FOXN3: variants seen among roughly 807,000 people sequenced by gnomAD.
FOXN3 encodes forkhead box protein N3.
Under a neutral mutation model 38.4 loss-of-function variants are expected in FOXN3, and 7 were observed. The observed-to-expected ratio is 0.18, with a 90% confidence interval of 0.10 to 0.34. FOXN3 has a LOEUF of 0.34. FOXN3 is among the 10% of genes least tolerant of loss of function. FOXN3 has a pLI of 1.00. For synonymous variants in FOXN3, 230 were observed against 242.2 expected, an observed-to-expected ratio of 0.95 and a Z score of 0.47; for missense variants, 456 against 613.4, an observed-to-expected ratio of 0.74 and a Z score of 2.71.
rs529376986 is a variant in FOXN3 at position 89,217,321 on chromosome 14, T to C, written c.746-36515A>G. On this transcript the variant is annotated intron_variant, in intron 4 of 5. Coordinates refer to ENST00000557258, the MANE Select transcript of FOXN3 (RefSeq NM_005197.4). Reference sequence around the variant, plus strand: ...CACATGGCTATTTTTTTCCTTTTTGTAGAGATGGGGTCTCTCTATGTTGCC... The same window carrying C: ...CACATGGCTATTTTTTTCCTTTTTGCAGAGATGGGGTCTCTCTATGTTGCC... Among the ~76,000 whole-genome samples, 14 of 152,266 alleles carry C rather than the reference T, an allele frequency of 9.2e-5. No homozygotes were observed. The South Asian group carries it at 2.5e-3, about 27-fold the overall frequency.
At chr14:89,427,228 CAAAA>C (rs1377599085) in intron 1 of FOXN3, among the ~76,000 whole-genome samples, 1 of 44,460 alleles carries the variant, frequency 2.2e-5, no homozygotes, top group Admixed American at 2.7e-4. Context: ...GCCTCTGTCT[CAAAA>C]AAAAAAAAAG....
At chr14:89,405,823 CAG>C (rs1233038867) in intron 2 of FOXN3, among the ~76,000 whole-genome samples, 1 of 152,076 alleles carries the variant, frequency 6.6e-6, no homozygotes, top group Non-Finnish European at 1.5e-5. Flanking sequence ...AAAGGAAGCA[CAG>C]AGAGATCATC....
chr14:89,537,947 A>G (rs1264345289), intron 1 of FOXN3, among the ~76,000 whole-genome samples: 1 of 152,242 alleles, frequency 6.6e-6, no homozygotes, highest in Non-Finnish European at 1.5e-5. Context: ...AAATATAATT[A>G]GATAACAATA....
upstream of FOXN3, among the ~76,000 whole-genome samples, chr14:89,420,292 C>G (rs138785457): frequency 6.6e-6 from 1 of 152,208 alleles, no homozygotes; most frequent in Admixed American, 6.5e-5. Flanking sequence ...GACTCCCCTA[C>G]GCGCATGGCC....
At chr14:89,433,922 AT>A (rs35711478) in intron 1 of FOXN3, among the ~76,000 whole-genome samples, 79,541 of 108,818 alleles carry the variant, frequency 0.73, 27,312 homozygotes, top group East Asian at 0.88. Context: ...TTTTATCAGA[AT>A]TTTTTTTTTT....
chr14:89,353,983 T>A (rs1025380100), intron 2 of FOXN3, among the ~76,000 whole-genome samples: 5 of 151,880 alleles, frequency 3.3e-5, no homozygotes, highest in East Asian at 3.9e-4. Context: ...TTTTCTTGGG[T>A]TTCATGTAAC....
intron 3 of FOXN3, among the ~76,000 whole-genome samples, chr14:89,345,883 C>T (rs994769009): frequency 3.3e-5 from 5 of 152,172 alleles, no homozygotes; most frequent in African/African-American, 1.2e-4. Flanking sequence ...GAAACCCCGT[C>T]TCTACTAAAA....
At chr14:89,165,983 C>A (rs1887231494) in intron 5 of FOXN3, among the ~76,000 whole-genome samples, 1 of 152,192 alleles carries the variant, frequency 6.6e-6, no homozygotes, top group Non-Finnish European at 1.5e-5. Context: ...AACATGATCC[C>A]TCTCTGAACA....
intron 5 of FOXN3, among the ~76,000 whole-genome samples, chr14:89,169,609 T>C (rs997417862): frequency 6.6e-6 from 1 of 151,684 alleles, no homozygotes; most frequent in African/African-American, 2.4e-5. Flanking sequence ...AGCATATCAA[T>C]TGGGAGGTGG....
At chr14:89,423,469 G>T (rs1013078137) in intron 1 of FOXN3, among the ~76,000 whole-genome samples, 3 of 152,160 alleles carry the variant, frequency 2.0e-5, no homozygotes, top group Admixed American at 1.3e-4. Context: ...TTAGAATTGT[G>T]TGTAAAATCA....
intron 1 of FOXN3, among the ~76,000 whole-genome samples, chr14:89,587,685 T>C (rs1338088301): frequency 2.6e-5 from 4 of 151,870 alleles, no homozygotes; most frequent in Non-Finnish European, 5.9e-5. Context: ...CTGGACGATA[T>C]GGGGAAACCT....
chr14:89,205,332 C>A (rs944600589), intron 4 of FOXN3, among the ~76,000 whole-genome samples: 1 of 152,044 alleles, frequency 6.6e-6, no homozygotes, highest in Non-Finnish European at 1.5e-5. Context: ...CATGATGACA[C>A]GGGAAGTGCC....
intron 4 of FOXN3, among the ~76,000 whole-genome samples, chr14:89,277,061 A>C (rs887002507): frequency 2.6e-5 from 4 of 152,246 alleles, no homozygotes; most frequent in African/African-American, 9.6e-5. Flanking sequence ...ATGTTTTAAT[A>C]AAGTAACCTA....
chr14:89,194,558 C>G (rs922145694), intron 4 of FOXN3, among the ~76,000 whole-genome samples: 3 of 152,042 alleles, frequency 2.0e-5, no homozygotes, highest in Non-Finnish European at 4.4e-5. Context: ...CCTTGTCACA[C>G]CCTGACACCC....
rs545650427 is a variant in FOXN3, at chr14:89,383,967, C to T, written c.543+27967G>A. ...ACCATGCCCAGCTAAAAAAAAAATG[C>T]TATTTTAAAATAATTAGGTCACTAA... On this transcript the variant is annotated intron_variant, in intron 2 of 5. Coordinates refer to ENST00000557258, the MANE Select transcript of FOXN3 (RefSeq NM_005197.4). Among the ~76,000 whole-genome samples, 8 of 151,894 alleles carry T rather than the reference C, an allele frequency of 5.3e-5. No individual in the cohort carries two copies. The South Asian group carries it at 8.3e-4, about 16-fold the overall frequency.
At chr14:89,299,276 A>C (rs1030177293) in intron 3 of FOXN3, among the ~76,000 whole-genome samples, 16 of 152,202 alleles carry the variant, frequency 1.1e-4, no homozygotes, top group African/African-American at 3.9e-4. Context: ...GGTAGTGAAT[A>C]AGTCTCACAA....
chr14:89,398,986 A>T (rs1157872341), intron 2 of FOXN3, among the ~76,000 whole-genome samples: 1 of 152,226 alleles, frequency 6.6e-6, no homozygotes, highest in Non-Finnish European at 1.5e-5. Context: ...CTTCATCTCA[A>T]ATCAGCCAAT....
chr14:89,586,947 A>G (rs1418688518), intron 1 of FOXN3, among the ~76,000 whole-genome samples: 1 of 152,276 alleles, frequency 6.6e-6, no homozygotes, highest in East Asian at 1.9e-4. Context: ...CACTGTATGT[A>G]CTAGGCAGTG....
In FOXN3 at chr14:89,181,483, A is replaced by C. The variant is rs145108578; in HGVS notation, c.746-677T>G. Among the ~76,000 whole-genome samples the C allele has an allele frequency of 9.3e-3, 1,422 of 152,300 alleles. 24 individuals carry two copies. Among genetic ancestry groups the C allele is most frequent in the African/African-American group, 0.033 (1,355 of 41,548 alleles). Reference sequence around the variant, plus strand: ...AAAGCTACTTGGCATCTCAGCACGCACCACACAGTTCATCCCCCCAGGCGA... The same window carrying C: ...AAAGCTACTTGGCATCTCAGCACGCCCCACACAGTTCATCCCCCCAGGCGA... On this transcript the variant is annotated intron_variant, in intron 4 of 5. Coordinates refer to ENST00000557258, the MANE Select transcript of FOXN3 (RefSeq NM_005197.4).
Sources: allele counts gnomAD v4.1 joint callset (sites outside exome capture counted in the v4.1 genomes callset), GRCh38; gene constraint gnomAD v4.1.1; transcripts MANE v1.5; gene names NCBI Gene and HGNC (gene_info 2026-07-23, HGNC 2026-07-21).